The following LYRM4 variants were observed in gnomAD, a reference collection of about 807,000 sequenced individuals.
The protein encoded by LYRM4 is LYR motif containing 4.
LYRM4 carries 9 observed loss-of-function variants against 11.7 expected under a neutral mutation model. That is an observed-to-expected ratio of 0.77 (90% confidence interval 0.46 to 1.34). LYRM4 has a LOEUF of 1.34. Ranked by LOEUF, LYRM4 falls within the 40% of genes most tolerant of loss-of-function variation. The pLI, the probability that LYRM4 is intolerant of heterozygous loss-of-function variation, is 0.00. For synonymous variants in LYRM4, 42 were observed against 40.4 expected (o/e 1.04, Z -0.15); for missense variants, 133 against 112.5 (o/e 1.18, Z -0.82).
At chr6:5,210,456 G>GT in intron 2 of LYRM4, among the ~76,000 whole-genome samples, 1 of 150,244 alleles carries the variant, frequency 6.7e-6, no homozygotes, top group African/African-American at 2.4e-5. Flanking sequence ...CATGCTTCCA[G>GT]TTAAAAAAAA....
chr6:5,199,122 A>G (rs1161038023), intron 2 of LYRM4, among the ~76,000 whole-genome samples: 1 of 152,266 alleles, frequency 6.6e-6, no homozygotes, highest in Non-Finnish European at 1.5e-5. Flanking sequence ...TCATAGCAAC[A>G]TCATTCACAA....
intron 2 of LYRM4, among the ~76,000 whole-genome samples, chr6:5,125,948 C>A (rs1763681412): frequency 6.6e-6 from 1 of 152,208 alleles, no homozygotes; most frequent in African/African-American, 2.4e-5. Context: ...CTGGGTCTAA[C>A]CCTGAGGACA....
At chr6:5,123,553 C>T (rs1474010122) in intron 2 of LYRM4, among the ~76,000 whole-genome samples, 1 of 152,228 alleles carries the variant, frequency 6.6e-6, no homozygotes, top group Non-Finnish European at 1.5e-5. Context: ...AGGCAGCATG[C>T]CCTGGCCTTG....
intron 2 of LYRM4, among the ~76,000 whole-genome samples, chr6:5,168,003 G>A (rs115569145): frequency 0.016 from 2,433 of 152,042 alleles, 57 homozygotes; most frequent in African/African-American, 0.053. Context: ...GGTTGCAAGG[G>A]CTCCCACTGG....
At chr6:5,201,322 G>A (rs780092396) in intron 2 of LYRM4, among the ~76,000 whole-genome samples, 2 of 152,128 alleles carry the variant, frequency 1.3e-5, no homozygotes, top group Non-Finnish European at 2.9e-5. Flanking sequence ...CAAGTGCACG[G>A]GCAGGCTCAA....
chr6:5,086,274 G>C, the LYRM4 span: 1 of 1,535,562 alleles, frequency 6.5e-7, no homozygotes, highest in Non-Finnish European at 8.7e-7. Flanking sequence ...TCCTGGACGT[G>C]CCGGCTGAGC....
At chr6:5,073,806 A>T in the LYRM4 span, among the ~76,000 whole-genome samples, 1 of 152,140 alleles carries the variant, frequency 6.6e-6, no homozygotes, top group Non-Finnish European at 1.5e-5. Context: ...CACAGAAATG[A>T]CATCCCGTAA....
intron 2 of LYRM4, among the ~76,000 whole-genome samples, chr6:5,202,186 C>T (rs1761429059): frequency 1.3e-5 from 2 of 152,190 alleles, no homozygotes; most frequent in South Asian, 4.1e-4. Flanking sequence ...AACAAAGTGC[C>T]CTGACAAGAA....
chr6:5,085,221 G>A, the LYRM4 span: 2 of 436,308 alleles, frequency 4.6e-6, no homozygotes, highest in African/African-American at 2.1e-5. Context: ...GCCCTCCCCC[G>A]TCGCGGGCAG....
At chr6:5,198,721 G>C (rs1010340018) in intron 2 of LYRM4, among the ~76,000 whole-genome samples, 2 of 152,186 alleles carry the variant, frequency 1.3e-5, no homozygotes, top group African/African-American at 4.8e-5. Flanking sequence ...ATTGAGTTTA[G>C]ATACAGAGGA....
At chr6:5,130,496 A>G (rs1763903865) in intron 2 of LYRM4, among the ~76,000 whole-genome samples, 1 of 152,218 alleles carries the variant, frequency 6.6e-6, no homozygotes, top group Non-Finnish European at 1.5e-5. Context: ...CACCTGCAGA[A>G]CTGTAGGCAC....
chr6:5,186,609 G>A (rs1760408636), intron 2 of LYRM4: 2 of 980,898 alleles, frequency 2.0e-6, no homozygotes, highest in South Asian at 9.4e-5. Flanking sequence ...GGAAATGCAA[G>A]AGAATTTTTA....
intron 1 of LYRM4, among the ~76,000 whole-genome samples, chr6:5,243,677 C>T (rs1311428472): frequency 6.6e-6 from 1 of 152,122 alleles, no homozygotes; most frequent in African/African-American, 2.4e-5. Flanking sequence ...TACCAGAAGA[C>T]TATATATGAT....
the LYRM4 span, among the ~76,000 whole-genome samples, chr6:5,068,565 T>C: frequency 6.6e-6 from 1 of 152,162 alleles, no homozygotes; most frequent in Non-Finnish European, 1.5e-5. The surrounding 1 kb of genome is among the most constrained non-coding windows in gnomAD (Gnocchi z 4.0). Flanking sequence ...GGCTTGGCTC[T>C]TCCACGCCGC....
chr6:5,059,438 C>A, the LYRM4 span, among the ~76,000 whole-genome samples: 3 of 151,794 alleles, frequency 2.0e-5, no homozygotes, highest in African/African-American at 4.8e-5. Context: ...CAGTTCTGGG[C>A]CTCTCTGATT....
intron 1 of LYRM4, among the ~76,000 whole-genome samples, chr6:5,226,199 T>C (rs1389367037): frequency 6.6e-6 from 1 of 152,226 alleles, no homozygotes; most frequent in African/African-American, 2.4e-5. Flanking sequence ...TTACACATCA[T>C]ATGTATAAAA....
the LYRM4 span, among the ~76,000 whole-genome samples, chr6:5,064,156 C>G: frequency 6.6e-6 from 1 of 151,806 alleles, no homozygotes; most frequent in Non-Finnish European, 1.5e-5. Flanking sequence ...GTTCTTTATT[C>G]CAAAGTCAAG....
chr6:5,155,545 G>C (rs1025195512), intron 2 of LYRM4, among the ~76,000 whole-genome samples: 10 of 152,306 alleles, frequency 6.6e-5, no homozygotes, highest in African/African-American at 2.4e-4. Context: ...TTCACTGGCT[G>C]TGGGTGTTGG....
chr6:5,141,158 G>T (rs933271947), intron 2 of LYRM4, among the ~76,000 whole-genome samples: 1 of 152,204 alleles, frequency 6.6e-6, no homozygotes, highest in Non-Finnish European at 1.5e-5. Context: ...TGAGGGTACT[G>T]GCCCTTCATA....
Sources: gnomAD v4.1 joint callset for allele counts (sites outside exome capture counted in the v4.1 genomes callset) on GRCh38, gnomAD v4.1.1 for gene constraint, Gnocchi (gnomAD v3.1) non-coding constraint, MANE v1.5 for transcripts, NCBI Gene and HGNC (gene_info 2026-07-23, HGNC 2026-07-21) for gene names.